Variants in PTPRN observed in about 807,000 individuals in gnomAD.
PTPRN encodes the protein protein tyrosine phosphatase receptor type N, also known as receptor-type tyrosine-protein phosphatase-like N.
PTPRN carries 70 observed loss-of-function variants against 108.5 expected under a neutral mutation model. The ratio of observed to expected loss-of-function variants is 0.65; its 90% CI spans 0.53 to 0.79. The LOEUF is 0.79. Ranked by LOEUF, PTPRN falls within the 30% of genes least tolerant of loss-of-function variation. PTPRN has a pLI of 0.00. For synonymous variants in PTPRN, 496 were observed against 524.6 expected, an observed-to-expected ratio of 0.95 and a Z score of 0.75; for missense variants, 1,136 against 1,295.5, an observed-to-expected ratio of 0.88 and a Z score of 1.89.
intron 3 of PTPRN, among the ~76,000 whole-genome samples, chr2:219,306,444 TG>T (rs1952485918): frequency 6.6e-6 from 1 of 152,216 alleles, no homozygotes; most frequent in South Asian, 2.1e-4. Context: ...CCTATTGTGG[TG>T]GTTTTTAGTG....
intron 20 of PTPRN, 55 bp downstream of exon 20, chr2:219,291,415 A>G: frequency 3.9e-6 from 6 of 1,558,046 alleles, no homozygotes; most frequent in Non-Finnish European, 5.3e-6. Context: ...GGCAATGTGC[A>G]CAGGAGACGC....
Position 219,309,313 on chromosome 2 carries a change from G to T in PTPRN, c.20C>A (p.Pro7His). 1 of 1,484,380 alleles carries T rather than the reference G, an allele frequency of 6.7e-7. No homozygotes were observed. Among genetic ancestry groups the T allele is most frequent in the South Asian group, 1.2e-5 (1 of 81,102 alleles). The allele number at this position is 1,484,380 out of a possible 1,614,324, so 92.0% of individuals were successfully genotyped here. A position where few individuals can be genotyped will look rare whatever the true frequency, so the allele number is the denominator to read the frequency against. Residue 7 changes from proline to histidine, a missense_variant, in exon 1 of 23, where the codon CCT becomes CAT. By Grantham distance (77) the Pro-to-His change is moderately conservative. Transcript: ENST00000295718. MRRPRRPGGLGGSGGLR... is the reference protein window; with the variant it reads MRRPRRHGGLGGSGGLR... ...ACCCCCGGATCCCCCGAGACCCCCA[G>T]GCCGCCGCGGGCGCCGCATCTTTCC... is the stretch of plus-strand genomic sequence containing the variant.
Position 219,296,078 on chromosome 2 carries a change from A to G in PTPRN, c.2508+148T>C. 8.8e-7 allele frequency: 1 copy of G among 1,137,878 alleles called. No homozygotes were observed. Among genetic ancestry groups the G allele is most frequent in the Non-Finnish European group, 1.3e-6 (1 of 787,968 alleles). 70.5% of individuals were successfully genotyped at this position (1,137,878 alleles called of 1,614,324 possible). ...GGTATGCATATATGTGTTTATATAT[A>G]TTCATATATGTATGAATCATGAGCA... On this transcript the variant is annotated intron_variant, in intron 18 of 22. Coordinates refer to ENST00000295718, the MANE Select transcript of PTPRN (RefSeq NM_002846.4). The surrounding 1 kb of genome is among the most constrained non-coding windows in gnomAD (Gnocchi z 6.0).
chr2:219,308,900 C>G, intron 1 of PTPRN: 4 of 1,370,584 alleles, frequency 2.9e-6, no homozygotes, highest in Non-Finnish European at 3.9e-6. Flanking sequence ...CGCCTCGGAG[C>G]AAGTGGCTTC....
intron 3 of PTPRN, 128 bp from the exon 4 acceptor site, chr2:219,303,959 T>C: frequency 1.6e-6 from 1 of 636,988 alleles, no homozygotes; most frequent in South Asian, 2.1e-5. Flanking sequence ...AGGGACAAAC[T>C]CAGTGGGTGA....
At chr2:219,301,803 A>T (rs1952355012) in intron 6 of PTPRN, 84 bp from the exon 7 acceptor site, 1 of 1,466,234 alleles carries the variant, frequency 6.8e-7, no homozygotes, top group Admixed American at 2.1e-5. Context: ...GTGGGAAGGG[A>T]CTAGCATGTT....
In PTPRN at chr2:219,290,649, G is replaced by A. The variant is rs760238782; in HGVS notation, c.2795-38C>T. 5.2e-6 allele frequency: 8 copies of A among 1,533,388 alleles called. No homozygotes were observed. In the African/African-American group the frequency reaches 6.9e-5, roughly 13 times the overall value. 95.0% of individuals were successfully genotyped at this position (1,533,388 alleles called of 1,614,324 possible). A position where few individuals can be genotyped will look rare whatever the true frequency, so the allele number is the denominator to read the frequency against. ...GTGGGGATGGGGCTGCTCAGGGGGT[G>A]TCCAGAGGAGGACAGGACCCAGAAA... On this transcript the variant is annotated intron_variant, in intron 21 of 22. Transcript: ENST00000295718. The surrounding 1 kb of genome is among the most constrained non-coding windows in gnomAD (Gnocchi z 4.2).
rs755871004 is a variant in PTPRN at position 219,297,104 on chromosome 2, C to T, written c.2117G>A (p.Arg706Gln). The T allele has an allele frequency of 1.2e-5, 19 of 1,613,992 alleles. No individual in the cohort carries two copies. Among genetic ancestry groups the T allele is most frequent in the Admixed American group, 5.0e-5 (3 of 60,006 alleles). Residue 706 changes from arginine (R) to glutamine (Q), a missense_variant, in exon 15 of 23, where the codon CGG becomes CAG. Arg to Gln is a conservative substitution (Grantham distance 43). Transcript: ENST00000295718. This position sits in a 1 kb window ranked among gnomAD's most constrained non-coding sequence, Gnocchi z 6.0. ...CTGCCACTCCTTGGCAAGGCGGTCCCGGTTCCGCAGGTGATCCTCCATGTA... is the reference window on the plus strand; with the variant it reads ...CTGCCACTCCTTGGCAAGGCGGTCCTGGTTCCGCAGGTGATCCTCCATGTA... ...LAYMEDHLRN[R>Q]DRLAKEWQAL...
At chr2:219,300,312 T>C in intron 8 of PTPRN, 53 bp from the exon 9 acceptor site, 1 of 1,499,614 alleles carries the variant, frequency 6.7e-7, no homozygotes, top group Non-Finnish European at 8.9e-7. Flanking sequence ...GGGGAAGGGG[T>C]ACCCTGGACT....
chr2:219,304,448 A>G (rs1334201138), intron 3 of PTPRN, among the ~76,000 whole-genome samples: 1 of 152,070 alleles, frequency 6.6e-6, no homozygotes, highest in Non-Finnish European at 1.5e-5. Flanking sequence ...CATTATCATC[A>G]TCATCTTATT....
rs751191123 is a variant in PTPRN, at chr2:219,302,168, T to C, written c.963A>G (p.Gly321=). 1.9e-6 allele frequency: 3 copies of C among 1,596,668 alleles called. No homozygotes were observed. The highest frequency in any genetic ancestry group is 2.6e-6 in the Non-Finnish European group (3 of 1,167,342). Residue 321 remains glycine (G), a synonymous_variant, in exon 6 of 23, where the codon GGA becomes GGG. Transcript: ENST00000295718. ...GYEKEGLGDR[G]EKPASPAVQP... ...GCACAGCTGGGGAAGCAGGCTTCTC[T>C]CCACGATCCCCTAGTCCTTCCTTCT...
At chr2:219,298,139 G>C (rs370511481) in intron 12 of PTPRN, 36 bp from the exon 13 acceptor site, 42 of 1,593,810 alleles carry the variant, frequency 2.6e-5, no homozygotes, top group Non-Finnish European at 3.3e-5. Context: ...GGAGGCAGTG[G>C]CATAGGGAGG....
chr2:219,307,439 C>T lies in PTPRN; in HGVS notation c.280+5G>A. 3 of 1,612,610 alleles carry T rather than the reference C, an allele frequency of 1.9e-6. No homozygotes were observed. Among genetic ancestry groups the T allele is most frequent in the Non-Finnish European group, 8.5e-7 (1 of 1,178,928 alleles). On this transcript the variant is annotated splice_donor_5th_base_variant and intron_variant, in intron 3 of 22. Transcript: ENST00000295718. ...TCTCTCTCCTCCAGTGCACCCAGAC[C>T]TTACCTTGGGACATGAGTTGTCGGA...
intron 20 of PTPRN, 116 bp from the exon 21 acceptor site, chr2:219,291,006 G>A: frequency 1.0e-6 from 1 of 1,001,728 alleles, no homozygotes; most frequent in Non-Finnish European, 1.6e-6. Flanking sequence ...TGACCCGTTG[G>A]GGTTGGCTTG....
intron 3 of PTPRN, among the ~76,000 whole-genome samples, chr2:219,305,515 A>G (rs1284125948): frequency 2.6e-5 from 4 of 152,290 alleles, no homozygotes; most frequent in South Asian, 4.1e-4. Context: ...TATTGGGATT[A>G]TAGGTGTGAG....
Position 219,309,045 on chromosome 2 carries a change from C to G in PTPRN, c.115+173G>C, listed in dbSNP as rs776087024. On this transcript the variant is annotated intron_variant, in intron 1 of 22. Coordinates refer to ENST00000295718, the MANE Select transcript of PTPRN (RefSeq NM_002846.4). ...CGTATTCCCAGCCCCACCTCCAGGC[C>G]TACGCCCCTTTCCTCCGAGACGCCC... 13 of 1,536,356 alleles carry G rather than the reference C, an allele frequency of 8.5e-6. 1 individual carries two copies. In the South Asian group the frequency reaches 1.6e-4, roughly 19 times the overall value.
chr2:219,298,118 C>T lies in PTPRN; in HGVS notation c.1669-15G>A, dbSNP rs749148333. On this transcript the variant is annotated splice_polypyrimidine_tract_variant and intron_variant, in intron 12 of 22. Transcript: ENST00000295718. ...GCCTCCTCCCTCTGTGGGAACAAGG[C>T]TAGAATCAAGGGAGGCAGTGGCATA... is the stretch of plus-strand genomic sequence containing the variant. The T allele has an allele frequency of 6.2e-7, 1 of 1,607,984 alleles. No homozygotes were observed. The highest frequency in any genetic ancestry group is 1.1e-5 in the South Asian group (1 of 91,060).
rs188016556 is a variant in PTPRN, at chr2:219,300,891, G to C, written c.1161+52C>G. The C allele has an allele frequency of 3.1e-6, 5 of 1,590,370 alleles. No individual in the cohort carries two copies. In the Admixed American group the frequency reaches 6.7e-5, roughly 21 times the overall value. On this transcript the variant is annotated intron_variant, in intron 8 of 22. Transcript: ENST00000295718. ...GAATTTGAAATTTAGGTTTGGCAAG[G>C]GGGCGTGCTGCCATGGGGTGATTAT...
At position 219,297,838 on chromosome 2, in the gene PTPRN, A is replaced by G; in HGVS notation, c.1887+47T>C. 1 of 1,545,130 alleles carries G rather than the reference A, an allele frequency of 6.5e-7. No individual in the cohort carries two copies. Among genetic ancestry groups the G allele is most frequent in the Non-Finnish European group, 8.8e-7 (1 of 1,142,498 alleles). On this transcript the variant is annotated intron_variant, in intron 13 of 22. Coordinates refer to ENST00000295718, the MANE Select transcript of PTPRN (RefSeq NM_002846.4). The surrounding 1 kb of genome is among the most constrained non-coding windows in gnomAD (Gnocchi z 6.0). The stretch of plus-strand genomic sequence containing the variant: ...TAGTCCACGCAAGACCCAGACTCCC[A>G]GGCCCCTTGCATTTCCTTTGCTCAA...
Sources: gnomAD v4.1 joint callset for allele counts (sites outside exome capture counted in the v4.1 genomes callset) on GRCh38, gnomAD v4.1.1 for gene constraint, Gnocchi (gnomAD v3.1) non-coding constraint, MANE v1.5 for transcripts, NCBI Gene and HGNC (gene_info 2026-07-23, HGNC 2026-07-21) for gene names.